The following CALN1 variants were observed in gnomAD, a reference collection of about 807,000 sequenced individuals.
CALN1 encodes calcium-binding protein 8.
A neutral mutation model predicts 30.6 loss-of-function variants in CALN1; 17 were observed. The ratio of observed to expected loss-of-function variants is 0.56; its 90% CI spans 0.38 to 0.83. The LOEUF is 0.83. Ranked by LOEUF, CALN1 falls within the 40% of genes least tolerant of loss-of-function variation. The pLI is 0.00. For synonymous variants in CALN1, 156 were observed against 131.4 expected (o/e 1.19, Z -1.28); for missense variants, 291 against 354.9 (o/e 0.82, Z 1.45).
the CALN1 span, among the ~76,000 whole-genome samples, chr7:72,498,232 G>A: frequency 1.3e-5 from 2 of 152,074 alleles, no homozygotes; most frequent in Admixed American, 6.6e-5. Context: ...TGCCATCTCA[G>A]GAGGAGGGAA....
chr7:72,187,592 T>C (rs1790294263), intron 3 of CALN1, among the ~76,000 whole-genome samples: 1 of 152,196 alleles, frequency 6.6e-6, no homozygotes, highest in Admixed American at 6.5e-5. Context: ...GGAATAGTTT[T>C]ATCCCAAAAC....
At chr7:72,418,279 G>T (rs751594461) in intron 1 of CALN1, among the ~76,000 whole-genome samples, 58 of 152,164 alleles carry the variant, frequency 3.8e-4, no homozygotes, top group Non-Finnish European at 7.6e-4. Flanking sequence ...CATCTATGTT[G>T]TTGTAAAGGA....
intron 3 of CALN1, among the ~76,000 whole-genome samples, chr7:72,114,304 G>GAAGGA (rs1554444013): frequency 1.7e-5 from 2 of 115,480 alleles, no homozygotes; most frequent in Non-Finnish European, 3.6e-5. Flanking sequence ...GAAGGGAAGG[G>GAAGGA]AAGGGAAGGC....
chr7:72,027,976 G>A (rs1362016135), intron 4 of CALN1, among the ~76,000 whole-genome samples: 4 of 147,508 alleles, frequency 2.7e-5, no homozygotes, highest in Non-Finnish European at 4.5e-5. Flanking sequence ...GGAGAATGGC[G>A]TGAACCCGGG....
intron 5 of CALN1, among the ~76,000 whole-genome samples, chr7:71,987,143 T>C (rs1216854801): frequency 6.6e-6 from 1 of 151,134 alleles, no homozygotes; most frequent in Non-Finnish European, 1.5e-5. Context: ...AAAAAAAATC[T>C]CCTCCACACT....
chr7:72,416,944 C>A (rs1807442552), upstream of CALN1, among the ~76,000 whole-genome samples: 1 of 152,046 alleles, frequency 6.6e-6, no homozygotes, highest in Non-Finnish European at 1.5e-5. Flanking sequence ...GAGACCAAGT[C>A]TTTGGTCCAG....
In CALN1 at chr7:72,343,936, G is replaced by A. The variant is rs145511160; in HGVS notation, c.119+59315C>T. ...TTAAGGCCTCAGACATATTTAAGGGGATGCCCAAAAGGGCTTCTACATGTC... is the reference window on the plus strand; with the variant it reads ...TTAAGGCCTCAGACATATTTAAGGGAATGCCCAAAAGGGCTTCTACATGTC... On this transcript the variant is annotated intron_variant, in intron 2 of 6. Transcript: ENST00000395275. 3.6e-3 allele frequency among the ~76,000 whole-genome samples: 546 copies of A among 152,288 alleles called. 9 individuals are homozygous for A. The highest frequency in any genetic ancestry group is 0.027 in the Admixed American group (412 of 15,288).
At chr7:72,067,277 T>C (rs1316777476) in intron 4 of CALN1, among the ~76,000 whole-genome samples, 1 of 152,164 alleles carries the variant, frequency 6.6e-6, no homozygotes, top group Non-Finnish European at 1.5e-5. Flanking sequence ...GGTCTCTCTC[T>C]GTCACCCAGG....
intron 3 of CALN1, among the ~76,000 whole-genome samples, chr7:72,274,215 T>C (rs1211670547): frequency 6.6e-6 from 1 of 152,144 alleles, no homozygotes; most frequent in Non-Finnish European, 1.5e-5. Context: ...AAGATTAAGA[T>C]AGCATTACAA....
chr7:72,444,286 G>T (rs563595382), intron 1 of CALN1, among the ~76,000 whole-genome samples: 26 of 152,088 alleles, frequency 1.7e-4, no homozygotes, highest in African/African-American at 6.0e-4. Flanking sequence ...CCTGGAGTCC[G>T]CAGGCACCCG....
intron 5 of CALN1, among the ~76,000 whole-genome samples, chr7:71,978,623 T>C (rs1382000898): frequency 6.6e-6 from 1 of 152,198 alleles, no homozygotes; most frequent in Non-Finnish European, 1.5e-5. Context: ...CAGCGCCAGC[T>C]GTGGCTCCAG....
At chr7:71,900,932 G>A (rs143117758) in intron 5 of CALN1, among the ~76,000 whole-genome samples, 24 of 152,282 alleles carry the variant, frequency 1.6e-4, no homozygotes, top group Non-Finnish European at 3.5e-4. Flanking sequence ...AACATGCTGA[G>A]CAACAATGCC....
chr7:71,913,161 T>G (rs1255952725), intron 5 of CALN1, among the ~76,000 whole-genome samples: 1 of 152,192 alleles, frequency 6.6e-6, no homozygotes, highest in East Asian at 1.9e-4. Context: ...AGCTGATGAC[T>G]TTCACCAGAA....
At chr7:72,135,927 G>T (rs1452932549) in intron 3 of CALN1, among the ~76,000 whole-genome samples, 1 of 151,980 alleles carries the variant, frequency 6.6e-6, no homozygotes, top group Non-Finnish European at 1.5e-5. Context: ...TATGTCAGGA[G>T]TTCAAGACCA....
intron 3 of CALN1, among the ~76,000 whole-genome samples, chr7:72,189,855 A>C (rs1790478691): frequency 6.6e-6 from 1 of 152,114 alleles, no homozygotes; most frequent in Non-Finnish European, 1.5e-5. Flanking sequence ...CATGCTAATG[A>C]ATTCCTTCCT....
chr7:72,083,730 C>T (rs2129539049), intron 4 of CALN1, among the ~76,000 whole-genome samples: 1 of 152,220 alleles, frequency 6.6e-6, no homozygotes, highest in South Asian at 2.1e-4. Context: ...ACCATCCTGG[C>T]CAACATGGTG....
At chr7:72,032,470 C>T (rs1364045826) in intron 4 of CALN1, among the ~76,000 whole-genome samples, 2 of 152,142 alleles carry the variant, frequency 1.3e-5, no homozygotes, top group African/African-American at 2.4e-5. Flanking sequence ...GGATTACAAG[C>T]GTGATCCACT....
At chr7:71,830,987 G>A (rs1377505859) in intron 5 of CALN1, among the ~76,000 whole-genome samples, 1 of 152,106 alleles carries the variant, frequency 6.6e-6, no homozygotes, top group Non-Finnish European at 1.5e-5. Flanking sequence ...TTTATTGGCA[G>A]CTGCAGCTGT....
At chr7:72,287,274 G>A (rs1042171075) in intron 2 of CALN1, among the ~76,000 whole-genome samples, 3 of 151,870 alleles carry the variant, frequency 2.0e-5, no homozygotes, top group Admixed American at 1.3e-4. Flanking sequence ...AATTTGTCCA[G>A]ATTTTGATGT....
Sources: gnomAD v4.1 joint callset for allele counts (sites outside exome capture counted in the v4.1 genomes callset) on GRCh38, gnomAD v4.1.1 for gene constraint, MANE v1.5 for transcripts, NCBI Gene and HGNC (gene_info 2026-07-23, HGNC 2026-07-21) for gene names.